The following NUF2 variants were observed in gnomAD, a reference collection of about 807,000 sequenced individuals.
The protein encoded by NUF2 is kinetochore protein Nuf2.
NUF2 carries 34 observed loss-of-function variants against 61.8 expected under a neutral mutation model. That is an observed-to-expected ratio of 0.55 (90% CI 0.42 to 0.73). NUF2 has a LOEUF of 0.73. Ranked by LOEUF, NUF2 falls within the 30% of genes least tolerant of loss-of-function variation. NUF2 has a pLI of 0.00. For missense variants in NUF2, 445 were observed against 539.1 expected (o/e 0.83, Z 1.73); for synonymous variants, 172 against 181.6 (o/e 0.95, Z 0.42).
chr1:163,333,903 T>A (rs1650675392), intron 5 of NUF2, among the ~76,000 whole-genome samples: 1 of 152,188 alleles, frequency 6.6e-6, no homozygotes, highest in African/African-American at 2.4e-5. Context: ...TCTCGGCTTT[T>A]AGTGCACCCA....
intron 5 of NUF2, among the ~76,000 whole-genome samples, chr1:163,333,653 C>A (rs776018373): frequency 2.0e-5 from 3 of 151,790 alleles, no homozygotes; most frequent in African/African-American, 7.3e-5. Flanking sequence ...TTTAACATAC[C>A]ATTGTCTATC....
At chr1:163,341,688 C>T (rs1421559204) in intron 9 of NUF2, among the ~76,000 whole-genome samples, 2 of 151,936 alleles carry the variant, frequency 1.3e-5, no homozygotes, top group Admixed American at 1.3e-4. Flanking sequence ...TGCAGTGTGG[C>T]ATGATGTCAG....
rs374329175 is a variant in NUF2, at chr1:163,338,798, A to C, written c.510-583A>C. Among the ~76,000 whole-genome samples, 6 of 152,276 alleles carry C rather than the reference A, an allele frequency of 3.9e-5. No homozygotes were observed. In the East Asian group the frequency reaches 7.7e-4, roughly 20 times the overall value. ...CTTACCAACTCTAATAACAAAACCC[A>C]TGTAATATTCCTAATATACAAATAT... On this transcript the variant is annotated intron_variant, in intron 7 of 13. Coordinates refer to ENST00000271452, the MANE Select transcript of NUF2 (RefSeq NM_145697.3).
chr1:163,325,938 C>T (rs1336381119), intron 1 of NUF2, 94 bp from the exon 2 acceptor site: 5 of 880,226 alleles, frequency 5.7e-6, no homozygotes, highest in Admixed American at 4.2e-5. Flanking sequence ...ATGAATAGTT[C>T]AACTTTGGCT....
At chr1:163,328,349 A>C in intron 4 of NUF2, 45 bp downstream of exon 4, 3 of 1,199,760 alleles carry the variant, frequency 2.5e-6, no homozygotes, top group Non-Finnish European at 3.7e-6. Flanking sequence ...ATTCGTATTT[A>C]TATTACATTA....
chr1:163,355,512 T>C lies in NUF2; in HGVS notation c.*43T>C. ...CTTTTTGTAAATGGCTTGCCATCTT[T>C]TAATTTTCTATTTAGAAAGAAAAGT... On this transcript the variant is annotated 3_prime_UTR_variant, in exon 14 of 14. Transcript: ENST00000271452. 6.5e-7 allele frequency: 1 copy of C among 1,540,408 alleles called. No homozygotes were observed. The highest frequency in any genetic ancestry group is 8.8e-7 in the Non-Finnish European group (1 of 1,141,962).
intron 10 of NUF2, among the ~76,000 whole-genome samples, chr1:163,345,238 T>G (rs564274578): frequency 3.9e-5 from 6 of 152,266 alleles, no homozygotes; most frequent in African/African-American, 1.4e-4. Context: ...AGTAAATATA[T>G]GTTCATTTTG....
chr1:163,327,663 G>C, intron 3 of NUF2, 101 bp downstream of exon 3: 1 of 708,204 alleles, frequency 1.4e-6, no homozygotes, highest in Admixed American at 2.5e-5. Flanking sequence ...TTTTAGGATA[G>C]GAAGTTCTTG....
In NUF2 at chr1:163,326,006, TTTCTCATTGTTTTTTC is replaced by T; in HGVS notation, c.-20-22_-20-7del. On this transcript the variant is annotated splice_polypyrimidine_tract_variant and intron_variant, in intron 1 of 13. Transcript: ENST00000271452. ...AATGAGAACTACTGATCATGTGGTATTTCTCATTGTTTTTTCTTCCTTCAGATTAACAGGAAACTTC... is the reference window on the plus strand; with the variant it reads ...AATGAGAACTACTGATCATGTGGTATTTCCTTCAGATTAACAGGAAACTTC... 1 of 1,580,820 alleles carries T rather than the reference TTTCTCATTGTTTTTTC, an allele frequency of 6.3e-7. No individual in the cohort carries two copies. The highest frequency in any genetic ancestry group is 1.1e-5 in the South Asian group (1 of 89,490).
At position 163,339,477 on chromosome 1, in the gene NUF2, G is replaced by T. The variant is rs779850616; in HGVS notation, c.606G>T (p.Thr202=). Residue 202 remains threonine, a splice_region_variant and synonymous_variant, in exon 8 of 14, where the codon ACG becomes ACT. Transcript: ENST00000271452. ...QSLNQDFHQK[T]IVLQEGNSQK... The stretch of plus-strand genomic sequence containing the variant: ...TAAATCAGGATTTTCATCAAAAAAC[G>T]GTATCTGTTGTGAGGCACCTTAAAC... 6.3e-7 allele frequency: 1 copy of T among 1,594,454 alleles called. No individual in the cohort carries two copies. Among genetic ancestry groups the T allele is most frequent in the Non-Finnish European group, 8.6e-7 (1 of 1,162,828 alleles).
Position 163,343,807 on chromosome 1 carries a change from A to T in NUF2, c.744A>T (p.Pro248=). 6.9e-7 allele frequency: 1 copy of T among 1,446,030 alleles called. No individual in the cohort carries two copies. The highest frequency in any genetic ancestry group is 1.5e-5 in the South Asian group (1 of 65,076). 89.6% of individuals were successfully genotyped at this position (1,446,030 alleles called of 1,614,324 possible). ...ESLKTKIVDS[P]EKLKNYKEKM... is the part of the protein sequence containing the mutation. ...TGAAAACAAAAATTGTGGATTCTCC[A>T]GAGAAGTTAAAGAATTATAAAGAAA... Residue 248 remains proline (P), a synonymous_variant, in exon 10 of 14, where the codon CCA becomes CCT. Coordinates refer to ENST00000271452, the MANE Select transcript of NUF2 (RefSeq NM_145697.3).
In NUF2 at chr1:163,343,979, TC is replaced by T. The variant is rs1333901401; in HGVS notation, c.807+111del. 5.2e-6 allele frequency: 3 copies of T among 574,724 alleles called. No individual in the cohort carries two copies. The African/African-American group carries it at 5.9e-5, about 11-fold the overall frequency. 35.6% of individuals were successfully genotyped at this position (574,724 alleles called of 1,614,324 possible). On this transcript the variant is annotated intron_variant, in intron 10 of 13. Transcript: ENST00000271452. Reference sequence around the variant, plus strand: ...ATTTCTGAATTATCTATACTTCTCTTCCTCTTAAACTTTTTTGACCTTATTT... The same window carrying T: ...ATTTCTGAATTATCTATACTTCTCTTCTCTTAAACTTTTTTGACCTTATTT...
At chr1:163,348,007 G>T in intron 12 of NUF2, 69 bp downstream of exon 12, 1 of 1,198,884 alleles carries the variant, frequency 8.3e-7, no homozygotes, top group Non-Finnish European at 1.1e-6. Context: ...TTTTCCCCCA[G>T]GATTTCAAAA....
chr1:163,350,268 C>CTCCA (rs1651269531), intron 13 of NUF2, among the ~76,000 whole-genome samples: 1 of 151,342 alleles, frequency 6.6e-6, no homozygotes, highest in Non-Finnish European at 1.5e-5. Flanking sequence ...CACCACTGCA[C>CTCCA]TCCAGCCTGG....
In NUF2 at chr1:163,328,159, T is replaced by C. The variant is rs1650488050; in HGVS notation, c.199-69T>C. 5 of 948,850 alleles carry C rather than the reference T, an allele frequency of 5.3e-6. No individual in the cohort carries two copies. The South Asian group carries it at 7.6e-5, about 14-fold the overall frequency. 58.8% of individuals were successfully genotyped at this position (948,850 alleles called of 1,614,324 possible). On this transcript the variant is annotated intron_variant, in intron 3 of 13. Transcript: ENST00000271452. Reference sequence around the variant, plus strand: ...GATAGTGAGTTAATATATTTTGATCTTGGTTGAAGATTTTTCTCATTTTGT... The same window carrying C: ...GATAGTGAGTTAATATATTTTGATCCTGGTTGAAGATTTTTCTCATTTTGT...
In NUF2 at chr1:163,355,403, C is replaced by T. The variant is rs369149355; in HGVS notation, c.1329C>T (p.Asp443=). 1.5e-5 allele frequency: 24 copies of T among 1,605,442 alleles called. 1 individual carries two copies. The African/African-American group carries it at 2.0e-4, about 13-fold the overall frequency. Residue 443 remains aspartate (D), a synonymous_variant, in exon 14 of 14, where the codon GAC becomes GAT. Coordinates refer to ENST00000271452, the MANE Select transcript of NUF2 (RefSeq NM_145697.3). ...ACGGTATTGAAAAGGCAGCAGAGGACTCCTATGCTAAGATAGATGAGAAGA... is the reference window on the plus strand; with the variant it reads ...ACGGTATTGAAAAGGCAGCAGAGGATTCCTATGCTAAGATAGATGAGAAGA... The part of the protein sequence containing the change: ...YHDGIEKAAE[D]SYAKIDEKTA...
intron 11 of NUF2, among the ~76,000 whole-genome samples, chr1:163,346,902 G>A (rs1389301159): frequency 2.0e-5 from 3 of 152,102 alleles, no homozygotes; most frequent in Non-Finnish European, 4.4e-5. Flanking sequence ...GATGGCGCAA[G>A]ATTTAATCAC....
chr1:163,355,254 T>C (rs1651449992), intron 13 of NUF2, 81 bp from the exon 14 acceptor site: 2 of 1,064,740 alleles, frequency 1.9e-6, no homozygotes, highest in Non-Finnish European at 2.7e-6. Flanking sequence ...TAAATATGAA[T>C]AAACTTGGAA....
chr1:163,345,934 G>A, intron 11 of NUF2, 116 bp downstream of exon 11: 1 of 664,412 alleles, frequency 1.5e-6, no homozygotes, highest in Non-Finnish European at 2.4e-6. Context: ...TCATTCTACA[G>A]TATAATAGAT....
Sources: gnomAD v4.1 joint callset for allele counts (sites outside exome capture counted in the v4.1 genomes callset) on GRCh38, gnomAD v4.1.1 for gene constraint, MANE v1.5 for transcripts, NCBI Gene and HGNC (gene_info 2026-07-23, HGNC 2026-07-21) for gene names.